The following SRP19 variants were observed in gnomAD, a reference collection of about 807,000 sequenced individuals.
SRP19 encodes the protein signal recognition particle 19 kDa protein.
SRP19 carries 11 observed loss-of-function variants against 22.4 expected under a neutral mutation model. The ratio of observed to expected loss-of-function variants is 0.49; its 90% confidence interval spans 0.31 to 0.81. The LOEUF (loss-of-function observed/expected upper bound fraction) is 0.81. SRP19 is among the 40% of genes least tolerant of loss of function. The pLI is 0.05. For missense variants in SRP19, 168 were observed against 175.9 expected, an observed-to-expected ratio of 0.96 and a Z score of 0.25; for synonymous variants, 61 against 57.6, an observed-to-expected ratio of 1.06 and a Z score of -0.27.
chr5:112,875,370 TG>T lies in SRP19; in HGVS notation c.301+10640del, dbSNP rs1463867315. Among the ~76,000 whole-genome samples, 15 of 108,996 alleles carry T rather than the reference TG, an allele frequency of 1.4e-4. No homozygotes were observed. The East Asian group carries it at 2.4e-3, about 18-fold the overall frequency. 71.5% of individuals were successfully genotyped at this position (108,996 alleles called of 152,430 possible). A position where few individuals can be genotyped will look rare whatever the true frequency, so the allele number is the denominator to read the frequency against. On this transcript the variant is annotated intron_variant, in intron 4 of 4. Transcript: ENST00000391338. ...CAGAAGTACGTTTTGTTTTTGTTTT[TG>T]GTTTTTTTTTTTTTTGAGACAGGGT...
At position 112,867,736 on chromosome 5, in the gene SRP19, T is replaced by C. The variant is rs1176049693; in HGVS notation, c.*199T>C. The C allele has an allele frequency of 1.4e-5, 18 of 1,279,790 alleles. No individual in the cohort carries two copies. Among genetic ancestry groups the C allele is most frequent in the Non-Finnish European group, 1.7e-5 (17 of 1,012,552 alleles). 79.3% of individuals were successfully genotyped at this position (1,279,790 alleles called of 1,614,324 possible). The stretch of plus-strand genomic sequence containing the variant: ...GTTTGCATCTCGCGTATATGCCGTA[T>C]AAAAGAATTTTTTTGTCTTTCAATG... On this transcript the variant is annotated 3_prime_UTR_variant, in exon 5 of 5. Transcript: ENST00000505459.
intron 1 of SRP19, 115 bp downstream of exon 1, chr5:112,861,532 G>A (rs1303402826): frequency 2.1e-5 from 23 of 1,116,716 alleles, no homozygotes; most frequent in Non-Finnish European, 2.8e-5. Flanking sequence ...GATCCAACTC[G>A]CTCTGTACGG....
intron 4 of SRP19, among the ~76,000 whole-genome samples, chr5:112,884,294 A>T (rs1455922894): frequency 6.6e-6 from 1 of 151,728 alleles, no homozygotes; most frequent in Non-Finnish European, 1.5e-5. Flanking sequence ...ACCCCTCTAG[A>T]TCACTTCTTT....
chr5:112,864,897 G>C (rs1767540132), intron 4 of SRP19, 165 bp downstream of exon 4: 1 of 461,424 alleles, frequency 2.2e-6, no homozygotes, highest in Non-Finnish European at 3.8e-6. Flanking sequence ...TAATTTCTTT[G>C]AGGTGAATGA....
intron 4 of SRP19, chr5:112,878,899 C>T (rs1561644737): frequency 3.1e-6 from 5 of 1,611,854 alleles, no homozygotes; most frequent in Non-Finnish European, 2.5e-6. Flanking sequence ...TGCAAGCTTG[C>T]AAGCTTTGTG....
In SRP19 at chr5:112,878,593, TAA is replaced by T. The variant is rs1767967324; in HGVS notation, c.302-13009_302-13008del. The T allele has an allele frequency of 6.5e-6, 5 of 773,092 alleles. No individual in the cohort carries two copies. In the South Asian group the frequency reaches 1.2e-4, roughly 19 times the overall value. 47.9% of individuals were successfully genotyped at this position (773,092 alleles called of 1,614,324 possible). A position where few individuals can be genotyped will look rare whatever the true frequency, so the allele number is the denominator to read the frequency against. On this transcript the variant is annotated intron_variant, in intron 4 of 4. Coordinates refer to the SRP19 transcript ENST00000391338. ...AAAACGTGGACACTGCCCACTGCAT[TAA>T]GTTTAAAGTGCTCCCTATATATATA...
downstream of SRP19, among the ~76,000 whole-genome samples, chr5:112,873,772 C>CT (rs34547826): frequency 0.72 from 110,120 of 151,922 alleles, 40,394 homozygotes; most frequent in East Asian, 0.9. Flanking sequence ...TTCCAAGTTC[C>CT]TTTTTTTCTT....
intron 4 of SRP19, among the ~76,000 whole-genome samples, chr5:112,866,484 A>C (rs985542034): frequency 1.3e-5 from 2 of 151,740 alleles, no homozygotes; most frequent in Non-Finnish European, 2.9e-5. Context: ...GTAGCTGGGA[A>C]TATCGGCACA....
chr5:112,894,709 T>C (rs1213214762), downstream of SRP19: 1 of 152,238 alleles, frequency 6.6e-6, no homozygotes, highest in African/African-American at 2.4e-5. Flanking sequence ...ATATTTGTTA[T>C]ATATAGGTAT....
Position 112,868,441 on chromosome 5 carries a change from C to G in SRP19, c.*904C>G. 2 of 956,222 alleles carry G rather than the reference C, an allele frequency of 2.1e-6. No homozygotes were observed. The highest frequency in any genetic ancestry group is 2.5e-6 in the Non-Finnish European group (2 of 801,570). The allele number at this position is 956,222 out of a possible 1,614,324, so 59.2% of individuals were successfully genotyped here. The stretch of plus-strand genomic sequence containing the variant: ...TTGAGATGGAGTTTCACTCTTGTTG[C>G]CTAGGCTGGAGTGCAATGGCACGAT... On this transcript the variant is annotated 3_prime_UTR_variant, in exon 5 of 5. Coordinates refer to ENST00000505459, the MANE Select transcript of SRP19 (RefSeq NM_003135.3).
At chr5:112,873,349 T>C (rs1767802367), downstream of SRP19, among the ~76,000 whole-genome samples, 1 of 145,084 alleles carries the variant, frequency 6.9e-6, no homozygotes, top group African/African-American at 2.5e-5. Context: ...CCTATTCTTT[T>C]TTTTTTTTTT....
Position 112,867,967 on chromosome 5 carries a change from T to A in SRP19, c.*430T>A. The A allele has an allele frequency of 2.0e-6, 2 of 987,122 alleles. No homozygotes were observed. Among genetic ancestry groups the A allele is most frequent in the Non-Finnish European group, 2.4e-6 (2 of 830,888 alleles). The allele number at this position is 987,122 out of a possible 1,614,324, so 61.1% of individuals were successfully genotyped here. A position where few individuals can be genotyped will look rare whatever the true frequency, so the allele number is the denominator to read the frequency against. ...AGAGGAGGGATAATTAAGAATAAAA[T>A]ATGTAGTGAAAGTTTCCATAGTGTG... On this transcript the variant is annotated 3_prime_UTR_variant, in exon 5 of 5. Coordinates refer to ENST00000505459, the MANE Select transcript of SRP19 (RefSeq NM_003135.3).
intron 4 of SRP19, chr5:112,878,916 GTAGCTACTAGA>G: frequency 6.2e-7 from 1 of 1,604,218 alleles, no homozygotes; most frequent in Non-Finnish European, 8.5e-7. Flanking sequence ...TGTGCCTAAT[GTAGCTACTAGA>G]TAACAAAACT....
chr5:112,864,888 A>C (rs1168581632), intron 4 of SRP19, 156 bp downstream of exon 4: 7 of 490,344 alleles, frequency 1.4e-5, no homozygotes, highest in Non-Finnish European at 2.5e-5. Flanking sequence ...CAGTAGTTCT[A>C]ATTTCTTTGA....
chr5:112,892,339 G>C (rs756246625), exon 5 of SRP19: 1 of 1,614,134 alleles, frequency 6.2e-7, no homozygotes, highest in African/African-American at 1.3e-5. Flanking sequence ...GGAGTACAGC[G>C]AGGAAGAAAC....
chr5:112,888,574 C>A (rs1312960152), intron 4 of SRP19, among the ~76,000 whole-genome samples: 1 of 145,092 alleles, frequency 6.9e-6, no homozygotes, highest in Non-Finnish European at 1.5e-5. Flanking sequence ...CAGGCATGAA[C>A]CACCAGGCCT....
Position 112,867,581 on chromosome 5 carries a change from G to A in SRP19, c.*44G>A. 3 of 1,521,614 alleles carry A rather than the reference G, an allele frequency of 2.0e-6. No individual in the cohort carries two copies. Among genetic ancestry groups the A allele is most frequent in the Non-Finnish European group, 1.8e-6 (2 of 1,133,618 alleles). 94.3% of individuals were successfully genotyped at this position (1,521,614 alleles called of 1,614,324 possible). A position where few individuals can be genotyped will look rare whatever the true frequency, so the allele number is the denominator to read the frequency against. ...TATGTGGTACTACTGTAAGAGACAT[G>A]AATGGAGACTTCTAATTTGTATCGG... is the stretch of plus-strand genomic sequence containing the variant. On this transcript the variant is annotated 3_prime_UTR_variant, in exon 5 of 5. Coordinates refer to ENST00000505459, the MANE Select transcript of SRP19 (RefSeq NM_003135.3).
At chr5:112,892,075 G>C (rs779176035) in exon 5 of SRP19, 1 of 1,599,952 alleles carries the variant, frequency 6.3e-7, no homozygotes. Context: ...GAAGATGCTG[G>C]ATCAGGCTGA....
rs929308838 is a variant in SRP19 at position 112,865,656 on chromosome 5, C to T, written c.301+924C>T. ...TCGCTCTGGCTGGAGTACAGTGGCG[C>T]GATCTCAGCTCACTGCAACCTCCGA... On this transcript the variant is annotated intron_variant, in intron 4 of 4. Coordinates refer to ENST00000505459, the MANE Select transcript of SRP19 (RefSeq NM_003135.3). 2.1e-4 allele frequency among the ~76,000 whole-genome samples: 31 copies of T among 151,086 alleles called. 1 individual carries two copies. The highest frequency in any genetic ancestry group is 7.3e-4 in the African/African-American group (30 of 41,072).
Sources: gnomAD v4.1 joint callset for allele counts (sites outside exome capture counted in the v4.1 genomes callset) on GRCh38, gnomAD v4.1.1 for gene constraint, MANE v1.5 for transcripts, NCBI Gene and HGNC (gene_info 2026-07-23, HGNC 2026-07-21) for gene names.